The following CCPG1 variants were observed in gnomAD, a reference collection of about 807,000 sequenced individuals.
CCPG1 encodes the protein cell cycle progression protein 1.
A neutral mutation model predicts 81.3 loss-of-function variants in CCPG1; 46 were observed. The ratio of observed to expected loss-of-function variants is 0.57; its 90% CI spans 0.45 to 0.72. The LOEUF is 0.72. Ranked by LOEUF, CCPG1 falls within the 30% of genes least tolerant of loss-of-function variation. The probability of loss-of-function intolerance (pLI) is 0.00; values close to 1 mark genes in which losing one functional copy is unlikely to be tolerated. For synonymous variants in CCPG1, 330 were observed against 305.2 expected (o/e 1.08, Z -0.85); for missense variants, 902 against 937.6 (o/e 0.96, Z 0.50).
chr15:55,359,317 T>C, intron 8 of CCPG1: 1 of 1,227,718 alleles, frequency 8.1e-7, no homozygotes, highest in Non-Finnish European at 1.0e-6. Flanking sequence ...AATTAAACCA[T>C]TTGCTCAAGT....
intron 3 of CCPG1, among the ~76,000 whole-genome samples, chr15:55,385,381 G>A (rs931410738): frequency 1.3e-5 from 2 of 152,112 alleles, no homozygotes; most frequent in Non-Finnish European, 2.9e-5. Flanking sequence ...TGGCCAGACT[G>A]CTCTTGAACT....
At chr15:55,390,355 C>A (rs1267406701) in intron 1 of CCPG1, among the ~76,000 whole-genome samples, 1 of 152,182 alleles carries the variant, frequency 6.6e-6, no homozygotes, top group Non-Finnish European at 1.5e-5. Flanking sequence ...AGCCCTAAGC[C>A]AGCATACAAT....
intron 1 of CCPG1, among the ~76,000 whole-genome samples, chr15:55,401,904 T>A (rs1429150229): frequency 1.3e-5 from 2 of 152,208 alleles, no homozygotes; most frequent in African/African-American, 2.4e-5. Flanking sequence ...CCTCGTCATA[T>A]GGCTGAAGTA....
In CCPG1 at chr15:55,359,352, T is replaced by G. The variant is rs1277580451; in HGVS notation, c.2234+187A>C. 1.1e-5 allele frequency: 15 copies of G among 1,348,628 alleles called. No individual in the cohort carries two copies. In the South Asian group the frequency reaches 2.7e-4, roughly 24 times the overall value. The allele number at this position is 1,348,628 out of a possible 1,614,324, so 83.5% of individuals were successfully genotyped here. ...TCAAAGTGATCACGTTATAATGAAA[T>G]GTTCCATTTGTAACAGCTAATAATT... On this transcript the variant is annotated intron_variant, in intron 8 of 8. Transcript: ENST00000442196.
intron 3 of CCPG1, among the ~76,000 whole-genome samples, chr15:55,382,929 G>A (rs1353278149): frequency 6.6e-6 from 1 of 152,062 alleles, no homozygotes; most frequent in Non-Finnish European, 1.5e-5. Flanking sequence ...CCAAACTCCT[G>A]TTAATGTTGA....
chr15:55,371,883 A>C lies in CCPG1; in HGVS notation c.616T>G (p.Leu206Val). 1 of 1,614,004 alleles carries C rather than the reference A, an allele frequency of 6.2e-7. No homozygotes were observed. ...CCACTACTGAACTGACGTTTACTCA[A>C]CTCCTTAGAAGGTTCAGTTTCTTGT... ...AEQETEPSKE[L>V]SKRQFSSGLN... is the part of the protein sequence containing the mutation. Residue 206 changes from leucine to valine, a missense_variant, in exon 6 of 9, where the codon TTG becomes GTG. By Grantham distance (32) the Leu-to-Val change is conservative. Transcript: ENST00000442196.
chr15:55,355,336 C>A lies in CCPG1; in HGVS notation c.*884G>T. On this transcript the variant is annotated 3_prime_UTR_variant, in exon 9 of 9. Transcript: ENST00000442196. ...GCAATTATAAAAGAACTGCTGTTTT[C>A]TTCCACACTCACTTGCCAGAGGGTC... is the stretch of plus-strand genomic sequence containing the variant. 4.3e-6 allele frequency: 7 copies of A among 1,611,138 alleles called. No homozygotes were observed. The highest frequency in any genetic ancestry group is 1.7e-5 in the Admixed American group (1 of 59,920).
chr15:55,371,007 G>A (rs1206431423), intron 6 of CCPG1, among the ~76,000 whole-genome samples: 8 of 152,018 alleles, frequency 5.3e-5, no homozygotes, highest in South Asian at 2.1e-4. Context: ...CAGTTACTCC[G>A]GAGGCTGAGG....
At chr15:55,372,864 A>G (rs1365704077) in intron 5 of CCPG1, 8 of 495,680 alleles carry the variant, frequency 1.6e-5, no homozygotes, top group Non-Finnish European at 2.9e-5. Flanking sequence ...TCTGGTCTCT[A>G]GTTTCATTTC....
At chr15:55,376,902 A>G (rs1197997061) in intron 5 of CCPG1, 47 bp downstream of exon 5, 6 of 1,377,238 alleles carry the variant, frequency 4.4e-6, no homozygotes, top group Non-Finnish European at 6.1e-6. Context: ...CCTTTATATA[A>G]AATGTGGTCG....
At chr15:55,397,364 G>C (rs2057041383) in intron 1 of CCPG1, among the ~76,000 whole-genome samples, 1 of 152,160 alleles carries the variant, frequency 6.6e-6, no homozygotes, top group Admixed American at 6.5e-5. Flanking sequence ...GAAGCGTTTT[G>C]AGAAAAGGAA....
At chr15:55,380,384 C>T (rs944606413) in intron 3 of CCPG1, among the ~76,000 whole-genome samples, 1 of 151,464 alleles carries the variant, frequency 6.6e-6, no homozygotes, top group Non-Finnish European at 1.5e-5. Flanking sequence ...CAAGCTCCGC[C>T]TCCCGGGTTC....
chr15:55,362,911 T>C (rs1345902981), intron 7 of CCPG1, among the ~76,000 whole-genome samples: 1 of 151,834 alleles, frequency 6.6e-6, no homozygotes, highest in Non-Finnish European at 1.5e-5. Flanking sequence ...CATGGTGGCG[T>C]GTGCTTGTGG....
At chr15:55,363,632 A>G (rs1276758794) in intron 7 of CCPG1, among the ~76,000 whole-genome samples, 1 of 150,452 alleles carries the variant, frequency 6.6e-6, no homozygotes, top group African/African-American at 2.4e-5. Context: ...CCTGGTTAGT[A>G]CTTGGATGGG....
intron 8 of CCPG1, chr15:55,359,025 CTT>C (rs2141240174): frequency 1.0e-6 from 1 of 982,756 alleles, no homozygotes; most frequent in South Asian, 4.7e-5. Context: ...GTGCCTCTAC[CTT>C]TATCAAAGAT....
In CCPG1 at chr15:55,391,891, G is replaced by C. The variant is rs866419056; in HGVS notation, c.-9-2458C>G. ...ACTCTTTAAAAAAAAAAAAAAAGGG[G>C]GGGGGGGGCTAGGTGTGGTAGCTCA... On this transcript the variant is annotated intron_variant, in intron 1 of 8. Coordinates refer to ENST00000442196, the MANE Select transcript of CCPG1 (RefSeq NM_001204450.2). Among the ~76,000 whole-genome samples, 457 of 115,324 alleles carry C rather than the reference G, an allele frequency of 4.0e-3. 8 individuals are homozygous for C. Among genetic ancestry groups the C allele is most frequent in the Non-Finnish European group, 7.1e-3 (353 of 49,492 alleles). 75.7% of individuals were successfully genotyped at this position (115,324 alleles called of 152,430 possible). A position where few individuals can be genotyped will look rare whatever the true frequency, so the allele number is the denominator to read the frequency against.
intron 6 of CCPG1, among the ~76,000 whole-genome samples, chr15:55,365,540 C>G (rs953833123): frequency 2.1e-4 from 31 of 151,140 alleles, no homozygotes; most frequent in Non-Finnish European, 3.8e-4. Context: ...CGTGACTCAG[C>G]TTCCCGAGTG....
chr15:55,407,045 C>CACCCCG (rs1555411247), intron 1 of CCPG1, among the ~76,000 whole-genome samples: 9 of 133,620 alleles, frequency 6.7e-5, no homozygotes, highest in African/African-American at 3.1e-4. Flanking sequence ...AGACCCCCCC[C>CACCCCG]CCCGCCCCGC....
intron 2 of CCPG1, among the ~76,000 whole-genome samples, chr15:55,387,945 A>G (rs1346631335): frequency 1.3e-5 from 2 of 148,752 alleles, no homozygotes; most frequent in Admixed American, 1.3e-4. Flanking sequence ...TGGCGTCGGG[A>G]GTTCGAGACC....
Sources: gnomAD v4.1 joint callset for allele counts (sites outside exome capture counted in the v4.1 genomes callset) on GRCh38, gnomAD v4.1.1 for gene constraint, MANE v1.5 for transcripts, NCBI Gene and HGNC (gene_info 2026-07-23, HGNC 2026-07-21) for gene names.